COL4A2: variants seen among roughly 807,000 people sequenced by gnomAD.
The protein encoded by COL4A2 is collagen alpha-2(IV) chain.
In COL4A2, 99 loss-of-function variants were observed where a neutral mutation model predicts 200.2. The ratio of observed to expected loss-of-function variants is 0.49; its 90% CI spans 0.42 to 0.58. The LOEUF (loss-of-function observed/expected upper bound fraction) is 0.58, where lower values mean the gene tolerates loss of function less well. Among genes scored for constraint, COL4A2 ranks in the 20% least tolerant of loss-of-function variants. The probability of loss-of-function intolerance (pLI) is 0.00; values close to 1 mark genes in which losing one functional copy is unlikely to be tolerated. For synonymous variants in COL4A2, 897 were observed against 900.6 expected (o/e 1.00, Z 0.07); for missense variants, 1,950 against 2,314.1 (o/e 0.84, Z 3.23).
rs896758611 is a variant in COL4A2, at chr13:110,361,319, A to G, written c.180+3767A>G. On this transcript the variant is annotated intron_variant, in intron 4 of 47. Coordinates refer to ENST00000360467, the MANE Select transcript of COL4A2 (RefSeq NM_001846.4). Reference sequence around the variant, plus strand: ...GATAGTATTTTTTTAAAGTAAGATAATACATAAAAATAGCAGCTGGACAGA... The same window carrying G: ...GATAGTATTTTTTTAAAGTAAGATAGTACATAAAAATAGCAGCTGGACAGA... Among the ~76,000 whole-genome samples the G allele has an allele frequency of 4.6e-5, 7 of 152,204 alleles. No homozygotes were observed. The East Asian group carries it at 1.2e-3, about 25-fold the overall frequency.
intron 40 of COL4A2, 86 bp from the exon 41 acceptor site, chr13:110,501,582 C>A: frequency 1.7e-6 from 2 of 1,190,464 alleles, no homozygotes; most frequent in African/African-American, 1.5e-5. Flanking sequence ...TCTGGTCCAC[C>A]ACAGGTGATG....
intron 4 of COL4A2, among the ~76,000 whole-genome samples, chr13:110,388,400 G>A (rs1036134475): frequency 2.6e-5 from 4 of 152,158 alleles, no homozygotes; most frequent in Admixed American, 6.5e-5. Context: ...TCCTGGCACC[G>A]CGGCCTCTCC....
chr13:110,478,422 T>C (rs2139519723), intron 30 of COL4A2, among the ~76,000 whole-genome samples: 1 of 152,120 alleles, frequency 6.6e-6, no homozygotes, highest in South Asian at 2.1e-4. Context: ...AGAAAGAAAT[T>C]CCCCCTACAA....
At chr13:110,369,658 G>A (rs536955996) in intron 4 of COL4A2, among the ~76,000 whole-genome samples, 1 of 152,240 alleles carries the variant, frequency 6.6e-6, no homozygotes, top group Admixed American at 6.5e-5. Context: ...TGCAACAAAG[G>A]AAAATTTTAG....
chr13:110,504,277 G>C lies in COL4A2; in HGVS notation c.4402+13G>C, dbSNP rs1431537400. On this transcript the variant is annotated intron_variant, in intron 45 of 47. Transcript: ENST00000360467. ...ATTGGCCAAGAAGGTGAGTGACAGT[G>C]GGGAAGGACCTTCCCAGGTCCTAGT... is the stretch of plus-strand genomic sequence containing the variant. The C allele has an allele frequency of 6.3e-7, 1 of 1,599,614 alleles. No individual in the cohort carries two copies. Among genetic ancestry groups the C allele is most frequent in the African/African-American group, 1.3e-5 (1 of 74,700 alleles).
intron 29 of COL4A2, among the ~76,000 whole-genome samples, chr13:110,477,333 G>C (rs9521800): frequency 0.26 from 39,985 of 152,204 alleles, 6,164 homozygotes; most frequent in East Asian, 0.36. Context: ...TGACTGCCAG[G>C]GTTCCATTTT....
intron 4 of COL4A2, among the ~76,000 whole-genome samples, chr13:110,395,901 C>T (rs553254906): frequency 6.6e-5 from 10 of 152,170 alleles, no homozygotes; most frequent in Non-Finnish European, 1.5e-4. Context: ...GCCAAGATCG[C>T]GCCACAGCAC....
chr13:110,415,984 C>T (rs546682275), intron 4 of COL4A2, among the ~76,000 whole-genome samples: 13 of 152,386 alleles, frequency 8.5e-5, no homozygotes, highest in Middle Eastern at 6.8e-3. Context: ...GCCATTGGCA[C>T]ATGAAAATTA....
intron 43 of COL4A2, 142 bp downstream of exon 43, chr13:110,503,623 G>A: frequency 1.4e-6 from 1 of 716,782 alleles, no homozygotes; most frequent in South Asian, 1.9e-5. Context: ...CCAAGGCTGT[G>A]CCTCGGATGT....
chr13:110,442,950 C>T (rs916400760), intron 16 of COL4A2, among the ~76,000 whole-genome samples: 1 of 152,072 alleles, frequency 6.6e-6, no homozygotes, highest in East Asian at 1.9e-4. Flanking sequence ...TGTGGGAAGT[C>T]CCCCCTCAAT....
chr13:110,388,823 T>A (rs982229298), intron 4 of COL4A2, among the ~76,000 whole-genome samples: 8 of 152,122 alleles, frequency 5.3e-5, no homozygotes, highest in African/African-American at 1.9e-4. Context: ...TTCCGGGACC[T>A]CCCCCTGCCT....
At chr13:110,505,852 A>G (rs1883843721) in intron 45 of COL4A2, among the ~76,000 whole-genome samples, 1 of 152,182 alleles carries the variant, frequency 6.6e-6, no homozygotes, top group African/African-American at 2.4e-5. Context: ...GGACACTTCC[A>G]ACGCCAGGCA....
In COL4A2 at chr13:110,489,479, A is replaced by AC; in HGVS notation, c.3242_3243insC (p.Gly1082TrpfsTer8). ...GGTGCCCCAGGGAGAGCAGGCCTGT[A>AC]TGGCGAGATTGGCGCGACTGGTGAT... On this transcript the variant is annotated frameshift_variant, in exon 35 of 48. Coordinates refer to ENST00000360467, the MANE Select transcript of COL4A2 (RefSeq NM_001846.4). LOFTEE classifies it high-confidence loss of function. 1 of 1,614,206 alleles carries AC rather than the reference A, an allele frequency of 6.2e-7. No homozygotes were observed. Among genetic ancestry groups the AC allele is most frequent in the South Asian group, 1.1e-5 (1 of 91,072 alleles).
chr13:110,326,557 G>A (rs1885419284), intron 3 of COL4A2, among the ~76,000 whole-genome samples: 3 of 152,144 alleles, frequency 2.0e-5, no homozygotes, highest in Admixed American at 2.0e-4. Flanking sequence ...GTGGAAACAG[G>A]CTGTTTGAGG....
At chr13:110,457,738 C>A in intron 21 of COL4A2, 1 of 539,818 alleles carries the variant, frequency 1.9e-6, no homozygotes, top group Non-Finnish European at 3.7e-6. Flanking sequence ...AAAGGGAAAA[C>A]AGTTATTTCT....
Position 110,428,568 on chromosome 13 carries a change from G to C in COL4A2, c.462G>C (p.Gly154=). The change falls in exon 7 of 48, where the codon GGG becomes GGC. Residue 154 remains glycine, a synonymous_variant. Transcript: ENST00000360467. ...SGPQGPPGSE[G]FTGPPGPQGP... ...CACAGGGGCCCCCCGGCTCTGAGGG[G>C]TTCACCGGGCCTCCCGTGAGTATCC... The C allele has an allele frequency of 6.5e-7, 1 of 1,549,990 alleles. No homozygotes were observed. Among genetic ancestry groups the C allele is most frequent in the South Asian group, 1.2e-5 (1 of 82,534 alleles).
At chr13:110,477,084 C>T (rs1481430731) in intron 29 of COL4A2, among the ~76,000 whole-genome samples, 2 of 152,246 alleles carry the variant, frequency 1.3e-5, no homozygotes, top group Non-Finnish European at 2.9e-5. Context: ...CACAGTGGCT[C>T]ATGCCTGTAA....
At chr13:110,494,498 C>A (rs1883387982) in intron 39 of COL4A2, among the ~76,000 whole-genome samples, 1 of 151,830 alleles carries the variant, frequency 6.6e-6, no homozygotes, top group African/African-American at 2.4e-5. Context: ...ATTATTATGT[C>A]TTTTTTTCAA....
At chr13:110,511,202 A>G (rs915533141) in intron 47 of COL4A2, among the ~76,000 whole-genome samples, 2 of 151,424 alleles carry the variant, frequency 1.3e-5, no homozygotes, top group Non-Finnish European at 2.9e-5. Context: ...AAGGCTAAAC[A>G]TGTTGATGCA....
Sources: allele counts gnomAD v4.1 joint callset (sites outside exome capture counted in the v4.1 genomes callset), GRCh38; gene constraint gnomAD v4.1.1; transcripts MANE v1.5; gene names NCBI Gene and HGNC (gene_info 2026-07-23, HGNC 2026-07-21).